Variants in NRXN1 observed in about 807,000 individuals in gnomAD.
NRXN1 encodes the protein neurexin 1.
Under a neutral mutation model 150.9 loss-of-function variants are expected in NRXN1, and 39 were observed. The observed-to-expected ratio is 0.26, with a 90% CI of 0.20 to 0.34. NRXN1 has a LOEUF of 0.34. Among genes scored for constraint, NRXN1 ranks in the 10% least tolerant of loss-of-function variants. NRXN1 has a pLI of 1.00. For synonymous variants in NRXN1, 924 were observed against 757.0 expected (o/e 1.22, Z -3.62); for missense variants, 1,815 against 1,949.9 (o/e 0.93, Z 1.30).
intron 5 of NRXN1, among the ~76,000 whole-genome samples, chr2:50,741,219 T>G (rs1699380128): frequency 6.6e-6 from 1 of 152,176 alleles, no homozygotes; most frequent in Non-Finnish European, 1.5e-5. Flanking sequence ...CTTAAATGAT[T>G]CCTCCTGCCA....
intron 17 of NRXN1, among the ~76,000 whole-genome samples, chr2:50,304,298 T>C (rs960920353): frequency 2.6e-5 from 4 of 152,092 alleles, no homozygotes; most frequent in Admixed American, 6.5e-5. Context: ...TTGAGGACAA[T>C]GCGGTCTTAT....
At chr2:51,020,363 T>C (rs1047490324) in intron 2 of NRXN1, among the ~76,000 whole-genome samples, 1 of 151,934 alleles carries the variant, frequency 6.6e-6, no homozygotes, top group Non-Finnish European at 1.5e-5. Context: ...AGGGAAACAA[T>C]GTCCTCTTTA....
intron 17 of NRXN1, among the ~76,000 whole-genome samples, chr2:50,303,214 A>C (rs1343710491): frequency 1.3e-5 from 2 of 152,174 alleles, no homozygotes. Context: ...CTGCATAATT[A>C]ATCAGTAGTC....
chr2:49,935,435 C>A (rs1351061239), intron 22 of NRXN1, among the ~76,000 whole-genome samples: 1 of 151,856 alleles, frequency 6.6e-6, no homozygotes, highest in African/African-American at 2.4e-5. Flanking sequence ...TTTAATACAC[C>A]ATTTTTAACC....
At position 50,254,130 on chromosome 2, in the gene NRXN1, G is replaced by C. The variant is rs141602589; in HGVS notation, c.3365-17160C>G. Among the ~76,000 whole-genome samples, 9 of 151,756 alleles carry C rather than the reference G, an allele frequency of 5.9e-5. No individual in the cohort carries two copies. The East Asian group carries it at 1.4e-3, about 23-fold the overall frequency. ...CTATTTGGGAATTCAACTTCTTCCT[G>C]GTTTAGTCTTGGGAGGGTGTATGTG... On this transcript the variant is annotated intron_variant, in intron 17 of 22. Coordinates refer to ENST00000401669, the MANE Select transcript of NRXN1 (RefSeq NM_001330078.2).
At chr2:50,725,159 A>G (rs998356070) in intron 5 of NRXN1, among the ~76,000 whole-genome samples, 1 of 152,162 alleles carries the variant, frequency 6.6e-6, no homozygotes, top group Non-Finnish European at 1.5e-5. Context: ...CTGGTTTTCA[A>G]TATTATCTCG....
chr2:50,155,398 A>G (rs981232295), intron 18 of NRXN1, among the ~76,000 whole-genome samples: 4 of 151,094 alleles, frequency 2.6e-5, no homozygotes, highest in Non-Finnish European at 5.9e-5. Context: ...CTATCCCTAA[A>G]ATACAAAATC....
intron 18 of NRXN1, among the ~76,000 whole-genome samples, chr2:50,101,135 G>A (rs910438471): frequency 1.3e-5 from 2 of 151,938 alleles, no homozygotes; most frequent in African/African-American, 4.8e-5. Flanking sequence ...TTGCTTTAAA[G>A]ACCCTTGTTG....
Position 50,643,665 on chromosome 2 carries a change from T to C in NRXN1, c.833-20050A>G, listed in dbSNP as rs1365041467. Among the ~76,000 whole-genome samples, 5 of 152,050 alleles carry C rather than the reference T, an allele frequency of 3.3e-5. No individual in the cohort carries two copies. The East Asian group carries it at 7.7e-4, about 24-fold the overall frequency. ...ATACTGTTAAGTATTGTATCCTTTA[T>C]GTAATTATTAAATATCATATATAAC... On this transcript the variant is annotated intron_variant, in intron 5 of 22. Coordinates refer to ENST00000401669, the MANE Select transcript of NRXN1 (RefSeq NM_001330078.2).
chr2:50,531,138 T>C, intron 11 of NRXN1, 89 bp downstream of exon 11: 4 of 1,048,412 alleles, frequency 3.8e-6, no homozygotes, highest in Middle Eastern at 6.3e-4. Flanking sequence ...TAATTTTCCA[T>C]GGCAAACAGG....
At chr2:50,107,496 T>C (rs775751608) in intron 18 of NRXN1, among the ~76,000 whole-genome samples, 2 of 147,384 alleles carry the variant, frequency 1.4e-5, no homozygotes, top group Non-Finnish European at 3.0e-5. Context: ...TCACAATTAT[T>C]GTCACATGCT....
chr2:49,984,345 C>T (rs1680536901), intron 21 of NRXN1, among the ~76,000 whole-genome samples: 1 of 152,164 alleles, frequency 6.6e-6, no homozygotes. Context: ...AAAATCACTA[C>T]ACCCAACTGA....
intron 21 of NRXN1, among the ~76,000 whole-genome samples, chr2:49,992,666 A>G (rs1050794899): frequency 4.6e-5 from 7 of 152,140 alleles, no homozygotes; most frequent in Admixed American, 1.3e-4. Flanking sequence ...ATACTTGCAA[A>G]AGACCTATCT....
chr2:49,989,975 A>G (rs1681634102), intron 21 of NRXN1, among the ~76,000 whole-genome samples: 2 of 152,082 alleles, frequency 1.3e-5, no homozygotes. Flanking sequence ...GGTGAACAAT[A>G]TCATCTACCT....
intron 5 of NRXN1, among the ~76,000 whole-genome samples, chr2:50,827,618 T>G (rs927621059): frequency 2.6e-5 from 4 of 152,224 alleles, no homozygotes; most frequent in African/African-American, 9.6e-5. Flanking sequence ...ATTTATTTAG[T>G]TTTTTAATTG....
At chr2:50,851,750 A>G (rs940443201) in intron 5 of NRXN1, among the ~76,000 whole-genome samples, 1 of 152,180 alleles carries the variant, frequency 6.6e-6, no homozygotes, top group Non-Finnish European at 1.5e-5. Flanking sequence ...GAGAAAAAAA[A>G]ATAGAACAAA....
chr2:50,157,427 A>G (rs573995475), intron 18 of NRXN1, among the ~76,000 whole-genome samples: 1 of 152,096 alleles, frequency 6.6e-6, no homozygotes, highest in African/African-American at 2.4e-5. Context: ...CAATATACAC[A>G]TTACATATTA....
chr2:50,740,729 T>C (rs1699326339), intron 5 of NRXN1, among the ~76,000 whole-genome samples: 1 of 152,146 alleles, frequency 6.6e-6, no homozygotes, highest in Non-Finnish European at 1.5e-5. Context: ...CCCCCACTTT[T>C]TATGCATGTT....
At position 50,660,402 on chromosome 2, in the gene NRXN1, T is replaced by C. The variant is rs145966248; in HGVS notation, c.833-36787A>G. ...TGTAACTAGAAGGAACATTAATTAC[T>C]CTTCCTCTATCTCCACACTGTATAT... On this transcript the variant is annotated intron_variant, in intron 5 of 22. Transcript: ENST00000401669. Among the ~76,000 whole-genome samples the C allele has an allele frequency of 4.6e-3, 696 of 152,126 alleles. 5 individuals carry two copies. The highest frequency in any genetic ancestry group is 0.016 in the African/African-American group (647 of 41,530).
Sources: gnomAD v4.1 joint callset for allele counts (sites outside exome capture counted in the v4.1 genomes callset) on GRCh38, gnomAD v4.1.1 for gene constraint, MANE v1.5 for transcripts, NCBI Gene and HGNC (gene_info 2026-07-23, HGNC 2026-07-21) for gene names.